CEP350: variants seen among roughly 807,000 people sequenced by gnomAD.
The protein encoded by CEP350 is centrosomal protein 350, also known as centrosome-associated protein 350.
Under a neutral mutation model 331.8 loss-of-function variants are expected in CEP350, and 126 were observed. The ratio of observed to expected loss-of-function variants is 0.38; its 90% CI spans 0.33 to 0.44. The LOEUF is 0.44. CEP350 is among the 20% of genes least tolerant of loss of function. CEP350 has a pLI of 1.00. For synonymous variants in CEP350, 1,200 were observed against 1,259.5 expected, an observed-to-expected ratio of 0.95 and a Z score of 1.00; for missense variants, 3,406 against 3,634.6, an observed-to-expected ratio of 0.94 and a Z score of 1.62.
intron 5 of CEP350, among the ~76,000 whole-genome samples, chr1:179,995,082 C>T (rs12140622): frequency 0.083 from 12,658 of 152,134 alleles, 697 homozygotes; most frequent in Non-Finnish European, 0.12. Flanking sequence ...TGTTTAGAAC[C>T]CAGTATGTAG....
At chr1:180,052,324 C>T in intron 22 of CEP350, 1 of 420,414 alleles carries the variant, frequency 2.4e-6, no homozygotes, top group Non-Finnish European at 4.7e-6. Flanking sequence ...CAGGTGTGAG[C>T]CCCTGTGCCT....
chr1:180,005,879 A>G (rs1019956474), intron 7 of CEP350, among the ~76,000 whole-genome samples: 1 of 152,136 alleles, frequency 6.6e-6, no homozygotes, highest in African/African-American at 2.4e-5. Context: ...CTCTACACAT[A>G]TTTTAAAGTA....
intron 36 of CEP350, 56 bp downstream of exon 36, chr1:180,096,240 A>G: frequency 6.7e-7 from 1 of 1,499,388 alleles, no homozygotes. Context: ...ATTTACACAT[A>G]TCTGTAAATG....
chr1:180,014,290 G>A lies in CEP350; in HGVS notation c.1837G>A (p.Glu613Lys), dbSNP rs535475910. ...QQEERKRKQN[E>K]EKKAQKEATE... ...GGAGGAAAGGAAGAGAAAGCAAAAT[G>A]AAGAGAAGAAGGCTCAAAAGGAGGC... Residue 613 changes from glutamate to lysine, a missense_variant, in exon 10 of 38, where the codon GAA becomes AAA. Physicochemically the swap from Glu to Lys is moderately conservative, Grantham distance 56 (BLOSUM62 1). This residue lies in a region of CEP350 where 1,857 missense variants were observed against 1,909.2 expected (regional missense o/e 0.97). Transcript: ENST00000367607. 7 of 1,597,340 alleles carry A rather than the reference G, an allele frequency of 4.4e-6. No homozygotes were observed. Among genetic ancestry groups the A allele is most frequent in the Non-Finnish European group, 6.0e-6 (7 of 1,171,654 alleles).
At chr1:180,021,051 A>T (rs960770051) in intron 12 of CEP350, 42 bp downstream of exon 12, 1 of 1,417,192 alleles carries the variant, frequency 7.1e-7, no homozygotes, top group Non-Finnish European at 9.3e-7. Context: ...GTATATTAAG[A>T]TGAATTATTT....
chr1:180,099,922 AT>A (rs1309347099), intron 37 of CEP350, among the ~76,000 whole-genome samples: 3 of 151,656 alleles, frequency 2.0e-5, no homozygotes, highest in Non-Finnish European at 2.9e-5. Context: ...AGTAGCTGGG[AT>A]TACAGGCACC....
chr1:180,029,757 ACTAT>A (rs58590137), intron 14 of CEP350, among the ~76,000 whole-genome samples: 29 of 152,276 alleles, frequency 1.9e-4, no homozygotes, highest in African/African-American at 6.0e-4. Flanking sequence ...CATCATGATC[ACTAT>A]CTATCTCCAG....
chr1:180,010,580 C>T (rs913835092), intron 8 of CEP350, among the ~76,000 whole-genome samples: 1 of 150,900 alleles, frequency 6.6e-6, no homozygotes, highest in Non-Finnish European at 1.5e-5. Flanking sequence ...TCTGTTTCTT[C>T]CTTCCTTTCT....
chr1:179,996,952 T>C lies in CEP350; in HGVS notation c.795T>C (p.Ser265=), dbSNP rs1460475462. The change falls in exon 6 of 38, where the codon TCT becomes TCC. Residue 265 remains serine (S), a synonymous_variant. Coordinates refer to ENST00000367607, the MANE Select transcript of CEP350 (RefSeq NM_014810.5). Reference sequence around the variant, plus strand: ...CTTCTCCATCCTCTACTAGTACTTCTAATTCCCAAAGATTAGATATTCTAA... The same window carrying C: ...CTTCTCCATCCTCTACTAGTACTTCCAATTCCCAAAGATTAGATATTCTAA... ...TDSSPSSTST[S]NSQRLDILKR... is the part of the protein sequence containing the mutation. The C allele has an allele frequency of 6.2e-7, 1 of 1,614,034 alleles. No homozygotes were observed. Among genetic ancestry groups the C allele is most frequent in the African/African-American group, 1.3e-5 (1 of 75,068 alleles).
At chr1:179,959,206 C>G (rs763394827) in intron 1 of CEP350, among the ~76,000 whole-genome samples, 1 of 152,232 alleles carries the variant, frequency 6.6e-6, no homozygotes, top group Non-Finnish European at 1.5e-5. Flanking sequence ...CCTGTAATCC[C>G]AGCTCTTAGA....
chr1:180,029,839 C>A (rs1655899657), intron 14 of CEP350, among the ~76,000 whole-genome samples: 1 of 152,168 alleles, frequency 6.6e-6, no homozygotes, highest in Admixed American at 6.6e-5. Flanking sequence ...CCTCTTCTCC[C>A]AGCACCTAGT....
chr1:180,035,281 C>A (rs1656276594), intron 16 of CEP350, among the ~76,000 whole-genome samples: 1 of 152,202 alleles, frequency 6.6e-6, no homozygotes, highest in Non-Finnish European at 1.5e-5. Context: ...GGTGAAGCAA[C>A]AAGTGCTAAT....
chr1:180,094,070 T>G lies in CEP350; in HGVS notation c.7965T>G (p.Ser2655=). The change falls in exon 34 of 38, where the codon TCT becomes TCG. Residue 2655 remains serine (S), a synonymous_variant. Transcript: ENST00000367607. ...GVLEAHVHQQ[S]SVDSQISSKE... ...TTGAAGCCCATGTTCACCAGCAGTC[T>G]TCAGTGGATTCACAGATTTCTTCAA... is the stretch of plus-strand genomic sequence containing the variant. The G allele has an allele frequency of 6.2e-7, 1 of 1,613,942 alleles. No homozygotes were observed.
At chr1:180,071,787 A>AC (rs1658913267) in intron 27 of CEP350, among the ~76,000 whole-genome samples, 1 of 151,852 alleles carries the variant, frequency 6.6e-6, no homozygotes. Context: ...GTCTCAAAAA[A>AC]AAAAGAGCGA....
chr1:180,054,021 C>T, intron 24 of CEP350, 87 bp downstream of exon 24: 2 of 1,073,118 alleles, frequency 1.9e-6, no homozygotes, highest in Non-Finnish European at 2.6e-6. Flanking sequence ...TTCCTCATTT[C>T]ATTTGATTAG....
At chr1:180,039,506 A>G (rs927674788) in intron 17 of CEP350, among the ~76,000 whole-genome samples, 3 of 152,156 alleles carry the variant, frequency 2.0e-5, no homozygotes, top group African/African-American at 2.4e-5. Context: ...TGGATATTCA[A>G]TTGTTCCAGC....
chr1:180,048,503 T>G, intron 21 of CEP350, 33 bp from the exon 22 acceptor site: 1 of 1,471,614 alleles, frequency 6.8e-7, no homozygotes, highest in Non-Finnish European at 9.4e-7. Flanking sequence ...TTTGTTAATT[T>G]TGTTGTTGTT....
chr1:180,102,167 G>T (rs764179128), intron 37 of CEP350, among the ~76,000 whole-genome samples: 1 of 145,914 alleles, frequency 6.9e-6, no homozygotes, highest in Non-Finnish European at 1.5e-5. Flanking sequence ...ACAGAGTCTC[G>T]CTTTGTTACC....
At chr1:180,057,478 T>C (rs1422951975) in intron 25 of CEP350, among the ~76,000 whole-genome samples, 5 of 152,004 alleles carry the variant, frequency 3.3e-5, no homozygotes, top group Non-Finnish European at 7.4e-5. Context: ...TGCTTGTATG[T>C]GGCCATGTGT....
Sources: allele counts gnomAD v4.1 joint callset (sites outside exome capture counted in the v4.1 genomes callset), GRCh38; gene constraint gnomAD v4.1.1; regional missense constraint gnomAD v4.1.1; transcripts MANE v1.5; gene names NCBI Gene and HGNC (gene_info 2026-07-23, HGNC 2026-07-21).